Variants in CDK6 observed in about 807,000 individuals in gnomAD.
CDK6 encodes cyclin-dependent kinase 6.
Under a neutral mutation model 37.1 loss-of-function variants are expected in CDK6, and 6 were observed. The observed-to-expected ratio is 0.16, with a 90% CI of 0.09 to 0.32. The LOEUF (loss-of-function observed/expected upper bound fraction) is 0.32, where lower values mean the gene tolerates loss of function less well. Ranked by LOEUF, CDK6 falls within the 10% of genes least tolerant of loss-of-function variation. The pLI is 1.00. For missense variants in CDK6, 224 were observed against 418.9 expected (o/e 0.53, Z 4.06); for synonymous variants, 160 against 161.3 (o/e 0.99, Z 0.06).
chr7:92,733,767 T>A (rs1447034911), intron 3 of CDK6, among the ~76,000 whole-genome samples: 1 of 152,210 alleles, frequency 6.6e-6, no homozygotes, highest in Non-Finnish European at 1.5e-5. Flanking sequence ...CCTCTCTCCT[T>A]TAATTATTAA....
rs71107866 is a variant in CDK6 at position 92,672,190 on chromosome 7, T to TACACACACACACACACACACACACAC, written c.538-681_538-656dup. Among the ~76,000 whole-genome samples the TACACACACACACACACACACACACAC allele has an allele frequency of 8.5e-4, 53 of 62,670 alleles. 1 individual carries two copies. The highest frequency in any genetic ancestry group is 9.7e-4 in the Non-Finnish European group (39 of 40,352). 41.1% of individuals were successfully genotyped at this position (62,670 alleles called of 152,430 possible). A position where few individuals can be genotyped will look rare whatever the true frequency, so the allele number is the denominator to read the frequency against. On this transcript the variant is annotated intron_variant, in intron 4 of 7. Coordinates refer to ENST00000424848, the MANE Select transcript of CDK6 (RefSeq NM_001145306.2). ...ATACACACACACACACACAGACACA[T>TACACACACACACACACACACACACAC]ACACACACACACACACACACACACA...
Position 92,743,877 on chromosome 7 carries a change from C to G in CDK6, c.370-18084G>C, listed in dbSNP as rs575389897. Among the ~76,000 whole-genome samples, 23 of 152,226 alleles carry G rather than the reference C, an allele frequency of 1.5e-4. No individual in the cohort carries two copies. In the South Asian group the frequency reaches 1.9e-3, roughly 12 times the overall value. ...AAATAAGTCAGTGTAGTGATTACAT[C>G]TGGGGGAGGGAGTTATAGACTGGGG... is the stretch of plus-strand genomic sequence containing the variant. On this transcript the variant is annotated intron_variant, in intron 3 of 7. Coordinates refer to ENST00000424848, the MANE Select transcript of CDK6 (RefSeq NM_001145306.2).
chr7:92,622,867 C>A (rs3731357), intron 6 of CDK6, among the ~76,000 whole-genome samples, 169 bp downstream of exon 6: 1 of 152,082 alleles, frequency 6.6e-6, no homozygotes, highest in Non-Finnish European at 1.5e-5. Context: ...CTGCATAAAA[C>A]GGCACTTCTA....
chr7:92,758,029 A>AC (rs1799358030), intron 3 of CDK6, among the ~76,000 whole-genome samples: 1 of 152,106 alleles, frequency 6.6e-6, no homozygotes, highest in Non-Finnish European at 1.5e-5. Context: ...TAATTTCCTT[A>AC]CAGATGCTGG....
At chr7:92,810,313 C>G (rs922121643) in intron 2 of CDK6, among the ~76,000 whole-genome samples, 2 of 152,150 alleles carry the variant, frequency 1.3e-5, no homozygotes, top group Admixed American at 1.3e-4. Context: ...ATCCAAATGA[C>G]CTTTGCATGA....
At chr7:92,664,080 G>T (rs751969607) in intron 5 of CDK6, among the ~76,000 whole-genome samples, 1 of 152,008 alleles carries the variant, frequency 6.6e-6, no homozygotes, top group African/African-American at 2.4e-5. Context: ...GGCGGAACTT[G>T]CAGTGAGCCA....
chr7:92,709,062 C>A (rs190196867), intron 4 of CDK6, among the ~76,000 whole-genome samples: 2 of 152,086 alleles, frequency 1.3e-5, no homozygotes, highest in East Asian at 3.9e-4. Context: ...CATGTTTTCC[C>A]CGGATCTACA....
At position 92,713,025 on chromosome 7, in the gene CDK6, AT is replaced by A. The variant is rs1189186640; in HGVS notation, c.537+12600del. ...AGGAATGCGCCACCACACCTGGCTA[AT>A]TTTTGTATTTTTTCAGTAGAGACGG... On this transcript the variant is annotated intron_variant, in intron 4 of 7. Transcript: ENST00000424848. 1.3e-4 allele frequency among the ~76,000 whole-genome samples: 20 copies of A among 152,094 alleles called. 1 individual carries two copies. The highest frequency in any genetic ancestry group is 2.0e-4 in the Admixed American group (3 of 15,284).
At chr7:92,793,651 GA>G (rs1251037544) in intron 2 of CDK6, among the ~76,000 whole-genome samples, 2 of 151,882 alleles carry the variant, frequency 1.3e-5, no homozygotes, top group South Asian at 2.1e-4. Context: ...AAAACTCTTA[GA>G]AAAAAACATA....
At chr7:92,786,284 C>T (rs910866455) in intron 2 of CDK6, among the ~76,000 whole-genome samples, 3 of 152,190 alleles carry the variant, frequency 2.0e-5, no homozygotes, top group Non-Finnish European at 4.4e-5. Flanking sequence ...AGCCAAAAAC[C>T]TTTCATAATC....
In CDK6 at chr7:92,833,530, C is replaced by T. The variant is rs1584133331; in HGVS notation, c.-207G>A. 1 of 547,482 alleles carries T rather than the reference C, an allele frequency of 1.8e-6. No homozygotes were observed. 33.9% of individuals were successfully genotyped at this position (547,482 alleles called of 1,614,324 possible). A position where few individuals can be genotyped will look rare whatever the true frequency, so the allele number is the denominator to read the frequency against. Reference sequence around the variant, plus strand: ...ACCTCCCCGCGGGGCTGGCGTAACCCTGGTGCCGCCGCCGCGAAACTCCGC... The same window carrying T: ...ACCTCCCCGCGGGGCTGGCGTAACCTTGGTGCCGCCGCCGCGAAACTCCGC... On this transcript the variant is annotated 5_prime_UTR_variant, in exon 2 of 8. Coordinates refer to ENST00000424848, the MANE Select transcript of CDK6 (RefSeq NM_001145306.2). The surrounding 1 kb of genome is among the most constrained non-coding windows in gnomAD (Gnocchi z 6.1).
intron 4 of CDK6, among the ~76,000 whole-genome samples, chr7:92,704,884 G>T (rs1438603682): frequency 6.6e-6 from 1 of 152,164 alleles, no homozygotes; most frequent in Admixed American, 6.5e-5. Context: ...CATGGTATAA[G>T]CATGTTAAAC....
Position 92,772,942 on chromosome 7 carries a change from CTGT to C in CDK6, c.369+1751_369+1753del, listed in dbSNP as rs557154036. Among the ~76,000 whole-genome samples, 370 of 152,050 alleles carry C rather than the reference CTGT, an allele frequency of 2.4e-3. 2 individuals carry two copies. Among genetic ancestry groups the C allele is most frequent in the Non-Finnish European group, 2.1e-3 (140 of 67,970 alleles). On this transcript the variant is annotated intron_variant, in intron 3 of 7. Transcript: ENST00000424848. The stretch of plus-strand genomic sequence containing the variant: ...TAAAATATATGGTTGCCTCATCTGT[CTGT>C]TTTTTTAAAAAAAAGATACTCCCCA...
At chr7:92,706,433 A>C (rs1256456953) in intron 4 of CDK6, among the ~76,000 whole-genome samples, 2 of 152,222 alleles carry the variant, frequency 1.3e-5, no homozygotes, top group African/African-American at 4.8e-5. Context: ...TACAGTAGGG[A>C]AAGAAATTTA....
At chr7:92,676,050 A>G (rs1437262068) in intron 4 of CDK6, among the ~76,000 whole-genome samples, 1 of 151,792 alleles carries the variant, frequency 6.6e-6, no homozygotes. Flanking sequence ...TGGGAGGATT[A>G]TTGTTTTATT....
At chr7:92,676,723 T>C (rs1194247879) in intron 4 of CDK6, among the ~76,000 whole-genome samples, 1 of 152,196 alleles carries the variant, frequency 6.6e-6, no homozygotes, top group East Asian at 1.9e-4. Context: ...CTAATACATA[T>C]GTTTTTCTCC....
intron 4 of CDK6, among the ~76,000 whole-genome samples, chr7:92,714,529 C>T (rs1399138546): frequency 1.3e-5 from 2 of 152,152 alleles, no homozygotes; most frequent in African/African-American, 2.4e-5. Context: ...CCTCCCCAAA[C>T]GGGCTTGTTT....
intron 5 of CDK6, among the ~76,000 whole-genome samples, chr7:92,644,458 G>C (rs79559097): frequency 2.6e-5 from 4 of 152,152 alleles, no homozygotes; most frequent in Non-Finnish European, 4.4e-5. Flanking sequence ...TTGATGTTCT[G>C]AGGCCCTCTA....
At chr7:92,744,766 C>G (rs552187178) in intron 3 of CDK6, among the ~76,000 whole-genome samples, 2 of 152,220 alleles carry the variant, frequency 1.3e-5, no homozygotes, top group East Asian at 3.9e-4. Flanking sequence ...AAATATGTAA[C>G]ATTTTTATCA....
Sources: gnomAD v4.1 joint callset for allele counts (sites outside exome capture counted in the v4.1 genomes callset) on GRCh38, gnomAD v4.1.1 for gene constraint, Gnocchi (gnomAD v3.1) non-coding constraint, MANE v1.5 for transcripts, NCBI Gene and HGNC (gene_info 2026-07-23, HGNC 2026-07-21) for gene names.